Variants in PCDHA13 observed in about 807,000 individuals in gnomAD.
PCDHA13 encodes the protein protocadherin alpha 13, also known as protocadherin alpha-13.
Under a neutral mutation model 64.8 loss-of-function variants are expected in PCDHA13, and 54 were observed. That is an observed-to-expected ratio of 0.83 (90% confidence interval 0.67 to 1.04). The LOEUF is 1.04. Ranked by LOEUF, PCDHA13 falls within the 50% of genes least tolerant of loss-of-function variation. PCDHA13 has a pLI of 0.00. For synonymous variants in PCDHA13, 587 were observed against 564.4 expected (o/e 1.04, Z -0.57); for missense variants, 1,248 against 1,254.3 (o/e 0.99, Z 0.08).
chr5:141,001,278 C>T (rs182360019), intron 3 of PCDHA13, among the ~76,000 whole-genome samples: 500 of 152,168 alleles, frequency 3.3e-3, no homozygotes, highest in Admixed American at 5.6e-3. Context: ...ACTTTTTTTA[C>T]GGATGAAAAC....
At chr5:141,004,367 T>C (rs1281168288) in intron 3 of PCDHA13, among the ~76,000 whole-genome samples, 5 of 152,198 alleles carry the variant, frequency 3.3e-5, no homozygotes, top group Non-Finnish European at 5.9e-5. Context: ...CCACACCTTG[T>C]TCTGCTCTGC....
chr5:140,919,915 A>G (rs1306747919), intron 1 of PCDHA13, among the ~76,000 whole-genome samples: 1 of 152,202 alleles, frequency 6.6e-6, no homozygotes, highest in Non-Finnish European at 1.5e-5. Context: ...AAATTACCCT[A>G]AATTTTCAGG....
At position 140,991,361 on chromosome 5, in the gene PCDHA13, G is replaced by A. The variant is rs1183124741; in HGVS notation, c.2542+8798G>A. On this transcript the variant is annotated intron_variant, in intron 3 of 3. Transcript: ENST00000289272. ...GGTAACTTGGAAAAGACTATTTACT[G>A]TCTGAGTTCTAGGCCAACTGTAGGG... Among the ~76,000 whole-genome samples, 3 of 152,200 alleles carry A rather than the reference G, an allele frequency of 2.0e-5. No individual in the cohort carries two copies. In the East Asian group the frequency reaches 5.8e-4, roughly 29 times the overall value.
Position 140,938,896 on chromosome 5 carries a change from C to T in PCDHA13, c.2395-40053C>T, listed in dbSNP as rs188490743. 3.9e-5 allele frequency among the ~76,000 whole-genome samples: 6 copies of T among 152,036 alleles called. 1 individual carries two copies. The East Asian group carries it at 1.2e-3, about 29-fold the overall frequency. The stretch of plus-strand genomic sequence containing the variant: ...GAAGCAACACACACACACACAGATG[C>T]GCACACACACACACGCACAAGAAAT... On this transcript the variant is annotated intron_variant, in intron 1 of 3. Transcript: ENST00000289272.
chr5:140,885,638 A>C (rs1490773479), intron 1 of PCDHA13, among the ~76,000 whole-genome samples: 10 of 152,184 alleles, frequency 6.6e-5, no homozygotes, highest in Admixed American at 5.2e-4. Flanking sequence ...ATTGCCTTCC[A>C]AGTATTTTGG....
At chr5:140,997,670 G>A (rs1587757819) in intron 3 of PCDHA13, among the ~76,000 whole-genome samples, 1 of 79,680 alleles carries the variant, frequency 1.3e-5, no homozygotes, top group Non-Finnish European at 2.9e-5. Flanking sequence ...TATACAGCTT[G>A]TGTGTGTGTG....
chr5:140,968,876 A>G (rs782240993), intron 1 of PCDHA13: 51 of 1,614,112 alleles, frequency 3.2e-5, no homozygotes, highest in Non-Finnish European at 4.1e-5. Context: ...ATACTCTGAA[A>G]TTACCCTTTA....
rs116228766 is a variant in PCDHA13 at position 140,907,042 on chromosome 5, C to A, written c.2394+22380C>A. Among the ~76,000 whole-genome samples, 705 of 152,284 alleles carry A rather than the reference C, an allele frequency of 4.6e-3. 3 individuals carry two copies. The highest frequency in any genetic ancestry group is 0.016 in the African/African-American group (683 of 41,556). On this transcript the variant is annotated intron_variant, in intron 1 of 3. Coordinates refer to ENST00000289272, the MANE Select transcript of PCDHA13 (RefSeq NM_018904.3). The stretch of plus-strand genomic sequence containing the variant: ...CCAGCAGAACATAATGTCACAGGGA[C>A]AGTAAGCAAAAATTTTACTAGTGGG...
At chr5:140,967,511 G>T (rs1402187059) in intron 1 of PCDHA13, 2 of 1,612,876 alleles carry the variant, frequency 1.2e-6, no homozygotes, top group Non-Finnish European at 8.5e-7. Flanking sequence ...GCGTGTCCTG[G>T]ACACTAACGA....
rs1396642305 is a variant in PCDHA13, at chr5:140,882,349, T to TC, written c.81_82insC (p.Ser28GlnfsTer100). 8 of 1,613,872 alleles carry TC rather than the reference T, an allele frequency of 5.0e-6. No individual in the cohort carries two copies. The highest frequency in any genetic ancestry group is 6.8e-6 in the Non-Finnish European group (8 of 1,179,978). On this transcript the variant is annotated frameshift_variant, in exon 1 of 4. Transcript: ENST00000289272. LOFTEE classifies it high-confidence loss of function. ...TGATCCTCGCAGCCTGGGAGACGGGTAGTGGCCAGCTCCACTACTCCGTCC... is the reference window on the plus strand; with the variant it reads ...TGATCCTCGCAGCCTGGGAGACGGGTCAGTGGCCAGCTCCACTACTCCGTCC...
chr5:141,001,229 A>G (rs1055246744), intron 3 of PCDHA13, among the ~76,000 whole-genome samples: 41 of 152,314 alleles, frequency 2.7e-4, no homozygotes, highest in African/African-American at 9.1e-4. Flanking sequence ...AGTTACATTT[A>G]ATCTATAAAT....
At chr5:141,003,668 A>G (rs1353003376) in intron 3 of PCDHA13, among the ~76,000 whole-genome samples, 1 of 152,196 alleles carries the variant, frequency 6.6e-6, no homozygotes, top group Non-Finnish European at 1.5e-5. Context: ...ATTAAAATAT[A>G]TGTTGTTCTG....
At chr5:140,945,369 A>T (rs2153669585) in intron 1 of PCDHA13, among the ~76,000 whole-genome samples, 1 of 152,234 alleles carries the variant, frequency 6.6e-6, no homozygotes, top group African/African-American at 2.4e-5. Flanking sequence ...TAAAATGTCC[A>T]TATTACCCAA....
rs782708863 is a variant in PCDHA13 at position 140,882,454 on chromosome 5, C to G, written c.186C>G (p.Arg62=). Residue 62 remains arginine (R), a synonymous_variant, in exon 1 of 4, where the codon CGC becomes CGG. Coordinates refer to ENST00000289272, the MANE Select transcript of PCDHA13 (RefSeq NM_018904.3). ...LGLELAELVP[R]LFRVASKRHG... Reference sequence around the variant, plus strand: ...TGGAGCTGGCGGAGCTGGTGCCGCGCCTGTTCCGGGTGGCGTCCAAAAGAC... The same window carrying G: ...TGGAGCTGGCGGAGCTGGTGCCGCGGCTGTTCCGGGTGGCGTCCAAAAGAC... 7.4e-6 allele frequency: 12 copies of G among 1,613,934 alleles called. No homozygotes were observed. Among genetic ancestry groups the G allele is most frequent in the Non-Finnish European group, 1.0e-5 (12 of 1,180,050 alleles).
rs1261636098 is a variant in PCDHA13, at chr5:140,968,913, C to G, written c.2395-10036C>G. 6.8e-6 allele frequency: 11 copies of G among 1,614,036 alleles called. No homozygotes were observed. Among genetic ancestry groups the G allele is most frequent in the Non-Finnish European group, 8.5e-6 (10 of 1,180,044 alleles). On this transcript the variant is annotated intron_variant, in intron 1 of 3. Transcript: ENST00000289272. ...CTAATAATAGCATTAAGCACAGTGT[C>G]TTTTATATTTCTTTTGACAATCATC...
chr5:140,965,975 T>TGA (rs1554227957), intron 1 of PCDHA13, among the ~76,000 whole-genome samples: 1 of 152,180 alleles, frequency 6.6e-6, no homozygotes, highest in Non-Finnish European at 1.5e-5. Flanking sequence ...CCCTAGGAGT[T>TGA]GAGCACTTTC....
intron 1 of PCDHA13, chr5:140,967,672 C>T: frequency 1.2e-6 from 2 of 1,614,182 alleles, no homozygotes; most frequent in Non-Finnish European, 8.5e-7. Context: ...ACACGTCGGA[C>T]CGGGAGAGGC....
chr5:141,011,104 C>A lies in PCDHA13; in HGVS notation c.*1167C>A, dbSNP rs1396728499. On this transcript the variant is annotated 3_prime_UTR_variant, in exon 4 of 4. Transcript: ENST00000289272. ...GATCTCTCTTTCTCTCTCTCTCTCT[C>A]TTTTCTAAGAAACAATTATGTGCAC... is the stretch of plus-strand genomic sequence containing the variant. 6.5e-6 allele frequency: 1 copy of A among 153,726 alleles called. No individual in the cohort carries two copies. The highest frequency in any genetic ancestry group is 1.5e-5 in the Non-Finnish European group (1 of 68,028). The allele number at this position is 153,726 out of a possible 1,614,324, so 9.5% of individuals were successfully genotyped here. A position where few individuals can be genotyped will look rare whatever the true frequency, so the allele number is the denominator to read the frequency against.
chr5:140,961,622 A>G (rs2095624628), intron 1 of PCDHA13, among the ~76,000 whole-genome samples: 1 of 152,218 alleles, frequency 6.6e-6, no homozygotes, highest in Non-Finnish European at 1.5e-5. Flanking sequence ...AAGTGCCCAT[A>G]TGAAAAACAA....
Sources: gnomAD v4.1 joint callset for allele counts (sites outside exome capture counted in the v4.1 genomes callset) on GRCh38, gnomAD v4.1.1 for gene constraint, MANE v1.5 for transcripts, NCBI Gene and HGNC (gene_info 2026-07-23, HGNC 2026-07-21) for gene names.